The following CARMIL1 variants were observed in gnomAD, a reference collection of about 807,000 sequenced individuals.
CARMIL1 encodes the protein capping protein regulator and myosin 1 linker 1.
CARMIL1 carries 90 observed loss-of-function variants against 177.1 expected under a neutral mutation model. That is an observed-to-expected ratio of 0.51 (90% CI 0.43 to 0.61). CARMIL1 has a LOEUF of 0.61. Ranked by LOEUF, CARMIL1 falls within the 20% of genes least tolerant of loss-of-function variation. CARMIL1 has a pLI of 0.00. For synonymous variants in CARMIL1, 577 were observed against 606.2 expected (o/e 0.95, Z 0.71); for missense variants, 1,380 against 1,667.0 (o/e 0.83, Z 3.00).
Position 25,529,186 on chromosome 6 carries a change from A to C in CARMIL1, c.2067+293A>C, listed in dbSNP as rs78746132. On this transcript the variant is annotated intron_variant, in intron 24 of 36. Transcript: ENST00000329474. ...GATAATAAAATCTGAAAGTGATCAA[A>C]TTTGCTACTTTGGAGACATTCTGTT... Among the ~76,000 whole-genome samples, 1,388 of 152,248 alleles carry C rather than the reference A, an allele frequency of 9.1e-3. 15 individuals carry two copies. The highest frequency in any genetic ancestry group is 0.03 in the African/African-American group (1,253 of 41,536).
chr6:25,334,355 T>C (rs533973959), intron 2 of CARMIL1, among the ~76,000 whole-genome samples: 3 of 152,352 alleles, frequency 2.0e-5, no homozygotes, highest in South Asian at 4.1e-4. Flanking sequence ...TATGTGAACT[T>C]GTACTCCCTG....
intron 29 of CARMIL1, among the ~76,000 whole-genome samples, chr6:25,560,103 G>C (rs1030899470): frequency 6.6e-6 from 1 of 152,186 alleles, no homozygotes; most frequent in Admixed American, 6.5e-5. Context: ...TTGACTAAGC[G>C]AAGGCTGAAG....
intron 2 of CARMIL1, among the ~76,000 whole-genome samples, chr6:25,383,965 G>A (rs901520414): frequency 7.2e-5 from 11 of 152,100 alleles, no homozygotes; most frequent in African/African-American, 2.7e-4. Flanking sequence ...TCAGCCTCCT[G>A]AGTAGCTGGG....
chr6:25,479,121 G>C (rs778006937), intron 11 of CARMIL1: 1 of 518,972 alleles, frequency 1.9e-6, no homozygotes, highest in Non-Finnish European at 3.8e-6. Context: ...CCACTACCAA[G>C]ATCAAGAGAC....
chr6:25,544,292 G>A (rs1451781999), intron 26 of CARMIL1, among the ~76,000 whole-genome samples: 2 of 152,026 alleles, frequency 1.3e-5, no homozygotes, highest in Non-Finnish European at 2.9e-5. Context: ...ATAGATAAAA[G>A]CAAATTTACA....
chr6:25,464,515 G>A (rs1800421587), intron 8 of CARMIL1, among the ~76,000 whole-genome samples: 1 of 152,118 alleles, frequency 6.6e-6, no homozygotes, highest in Non-Finnish European at 1.5e-5. Context: ...AGATAATATT[G>A]ATTCTCAGAC....
chr6:25,551,648 A>G (rs1325299399), intron 27 of CARMIL1, among the ~76,000 whole-genome samples: 1 of 152,226 alleles, frequency 6.6e-6, no homozygotes, highest in African/African-American at 2.4e-5. Context: ...ATTACTGGCA[A>G]ACTTTTCTGA....
At chr6:25,585,535 AT>A (rs11452442) in intron 31 of CARMIL1, among the ~76,000 whole-genome samples, 15 of 152,024 alleles carry the variant, frequency 9.9e-5, no homozygotes, top group South Asian at 8.3e-4. Flanking sequence ...TAGATAACCT[AT>A]TTTTTTATTT....
chr6:25,334,549 C>T (rs1469114231), intron 2 of CARMIL1, among the ~76,000 whole-genome samples: 1 of 152,004 alleles, frequency 6.6e-6, no homozygotes, highest in Non-Finnish European at 1.5e-5. Flanking sequence ...TGTTACTGAC[C>T]CAGATCCTTG....
chr6:25,455,922 G>A (rs1056120809), intron 8 of CARMIL1, among the ~76,000 whole-genome samples: 38 of 152,184 alleles, frequency 2.5e-4, no homozygotes, highest in African/African-American at 8.0e-4. Context: ...ATCACCACAC[G>A]TGAGACATGG....
At chr6:25,586,750 G>A (rs1219639981) in intron 31 of CARMIL1, among the ~76,000 whole-genome samples, 4 of 152,274 alleles carry the variant, frequency 2.6e-5, no homozygotes, top group East Asian at 3.9e-4. Flanking sequence ...GTCAGGAGCT[G>A]GAGACCAGCC....
intron 5 of CARMIL1, among the ~76,000 whole-genome samples, chr6:25,441,171 G>T (rs1465211628): frequency 6.6e-6 from 1 of 151,796 alleles, no homozygotes; most frequent in African/African-American, 2.4e-5. Context: ...AAAATTAGCT[G>T]GGTGTGGTGG....
chr6:25,283,773 C>T (rs1462010749), intron 1 of CARMIL1, among the ~76,000 whole-genome samples: 4 of 152,076 alleles, frequency 2.6e-5, no homozygotes, highest in African/African-American at 9.7e-5. Flanking sequence ...AATGCAGTGG[C>T]ACGATCTCAG....
intron 29 of CARMIL1, among the ~76,000 whole-genome samples, chr6:25,578,304 T>A (rs1411069779): frequency 6.6e-6 from 1 of 152,184 alleles, no homozygotes; most frequent in East Asian, 1.9e-4. Context: ...TTAAAGAAGA[T>A]GGTAAAGTCA....
At chr6:25,283,701 G>A (rs966853768) in intron 1 of CARMIL1, among the ~76,000 whole-genome samples, 12 of 151,872 alleles carry the variant, frequency 7.9e-5, no homozygotes, top group Admixed American at 2.0e-4. Flanking sequence ...TAAATCATCT[G>A]GTATAGTTCT....
In CARMIL1 at chr6:25,363,349, G is replaced by T. The variant is rs140391172; in HGVS notation, c.139-56765G>T. ...TATTTAGGAGCAGCTCAGAGGACTA[G>T]TGTTCCATGGAGAACACTGTGACAA... On this transcript the variant is annotated intron_variant, in intron 2 of 36. Transcript: ENST00000329474. Among the ~76,000 whole-genome samples the T allele has an allele frequency of 9.9e-5, 15 of 152,268 alleles. 1 individual carries two copies. Among genetic ancestry groups the T allele is most frequent in the African/African-American group, 3.6e-4 (15 of 41,542 alleles).
At chr6:25,330,475 C>T (rs923381928) in intron 2 of CARMIL1, among the ~76,000 whole-genome samples, 1 of 152,146 alleles carries the variant, frequency 6.6e-6, no homozygotes, top group Admixed American at 6.6e-5. Context: ...AACTGGATTA[C>T]AGTGTGGCAG....
intron 2 of CARMIL1, among the ~76,000 whole-genome samples, chr6:25,392,307 A>G (rs758858663): frequency 6.6e-6 from 1 of 152,166 alleles, no homozygotes; most frequent in East Asian, 1.9e-4. Context: ...CCTGCCTTAT[A>G]AAAGAGTTCA....
intron 28 of CARMIL1, among the ~76,000 whole-genome samples, chr6:25,556,104 G>A (rs1194498104): frequency 6.6e-6 from 1 of 152,120 alleles, no homozygotes; most frequent in Admixed American, 6.6e-5. Flanking sequence ...CAAAGTTTCC[G>A]TGGACTTGCC....
Sources: gnomAD v4.1 joint callset for allele counts (sites outside exome capture counted in the v4.1 genomes callset) on GRCh38, gnomAD v4.1.1 for gene constraint, MANE v1.5 for transcripts, NCBI Gene and HGNC (gene_info 2026-07-23, HGNC 2026-07-21) for gene names.